ZCCHC24: variants seen among roughly 807,000 people sequenced by gnomAD.
The protein encoded by ZCCHC24 is zinc finger CCHC-type containing 24.
Under a neutral mutation model 26.2 loss-of-function variants are expected in ZCCHC24, and 10 were observed. The ratio of observed to expected loss-of-function variants is 0.38; its 90% CI spans 0.24 to 0.65. The LOEUF (loss-of-function observed/expected upper bound fraction) is 0.65. ZCCHC24 is among the 30% of genes least tolerant of loss of function. The pLI, the probability that ZCCHC24 is intolerant of heterozygous loss-of-function variation, is 0.54. For synonymous variants in ZCCHC24, 144 were observed against 147.1 expected (o/e 0.98, Z 0.15); for missense variants, 243 against 329.1 (o/e 0.74, Z 2.03).
rs1217442915 is a variant in ZCCHC24, at chr10:79,432,582, T to A, written c.423A>T (p.Gly141=). The change falls in exon 2 of 4, where the codon GGA becomes GGT. Residue 141 remains glycine, a synonymous_variant. Coordinates refer to ENST00000372336, the MANE Select transcript of ZCCHC24 (RefSeq NM_153367.4). ...CCTGGGGGCAGTCCTTGATGTAGTG[T>A]CCTTTGTTGAAGCACAGGTGGCACA... ...NYLCHLCFNK[G]HYIKDCPQAR... 4 of 1,603,294 alleles carry A rather than the reference T, an allele frequency of 2.5e-6. No individual in the cohort carries two copies. The South Asian group carries it at 4.5e-5, about 18-fold the overall frequency.
chr10:79,427,916 A>G (rs1857055655), intron 2 of ZCCHC24, among the ~76,000 whole-genome samples: 3 of 152,186 alleles, frequency 2.0e-5, no homozygotes, highest in Non-Finnish European at 4.4e-5. Flanking sequence ...GAAGGAAGGA[A>G]GGAAAAGAAA....
At position 79,384,890 on chromosome 10, in the gene ZCCHC24, G is replaced by C. The variant is rs960023659; in HGVS notation, c.*1455C>G. ...ACCCAGTTCTGACAGCCGGGAGAAAGGAAGGGTCAAGACCATGGAAACGGG... is the reference window on the plus strand; with the variant it reads ...ACCCAGTTCTGACAGCCGGGAGAAACGAAGGGTCAAGACCATGGAAACGGG... On this transcript the variant is annotated 3_prime_UTR_variant, in exon 4 of 4. Transcript: ENST00000372336. 2.0e-5 allele frequency: 3 copies of C among 152,390 alleles called. No individual in the cohort carries two copies. The highest frequency in any genetic ancestry group is 4.4e-5 in the Non-Finnish European group (3 of 68,034). 9.4% of individuals were successfully genotyped at this position (152,390 alleles called of 1,614,324 possible). A position where few individuals can be genotyped will look rare whatever the true frequency, so the allele number is the denominator to read the frequency against.
chr10:79,432,149 ATTC>A (rs1857139064), intron 2 of ZCCHC24, among the ~76,000 whole-genome samples: 1 of 152,146 alleles, frequency 6.6e-6, no homozygotes, highest in African/African-American at 2.4e-5. Context: ...GCACATCTGG[ATTC>A]CTGGCCCAGA....
intron 2 of ZCCHC24, among the ~76,000 whole-genome samples, chr10:79,417,933 T>C (rs1856886973): frequency 6.6e-6 from 1 of 152,112 alleles, no homozygotes; most frequent in Non-Finnish European, 1.5e-5. Context: ...CAGGCTGGGA[T>C]CTGGCCACCT....
intron 2 of ZCCHC24, among the ~76,000 whole-genome samples, chr10:79,406,074 C>T (rs1161952976): frequency 1.3e-5 from 2 of 152,250 alleles, no homozygotes; most frequent in African/African-American, 4.8e-5. Flanking sequence ...GTGGCAACCA[C>T]AGACCGGGGT....
chr10:79,434,142 C>G (rs576402405), intron 1 of ZCCHC24, among the ~76,000 whole-genome samples: 1 of 152,210 alleles, frequency 6.6e-6, no homozygotes, highest in East Asian at 1.9e-4. Context: ...TCGTGTGCAT[C>G]TGGATCAGAG....
intron 1 of ZCCHC24, among the ~76,000 whole-genome samples, chr10:79,433,094 T>C (rs1467462891): frequency 2.0e-5 from 3 of 152,116 alleles, no homozygotes; most frequent in Admixed American, 1.3e-4. Flanking sequence ...ATGATGGCTA[T>C]TATTATTATT....
chr10:79,404,130 G>A (rs1043315694), intron 2 of ZCCHC24, among the ~76,000 whole-genome samples: 4 of 152,102 alleles, frequency 2.6e-5, no homozygotes, highest in African/African-American at 9.7e-5. Context: ...GGGGAACGGG[G>A]CCCACAGAGG....
At chr10:79,394,238 G>A (rs1252537747) in intron 3 of ZCCHC24, 38 bp downstream of exon 3, 3 of 1,598,420 alleles carry the variant, frequency 1.9e-6, no homozygotes, top group Non-Finnish European at 2.6e-6. Context: ...TTGCCCTCCC[G>A]CGGTCCTTCT....
At chr10:79,392,065 G>A (rs571738397) in intron 3 of ZCCHC24, among the ~76,000 whole-genome samples, 15 of 151,862 alleles carry the variant, frequency 9.9e-5, no homozygotes, top group South Asian at 2.1e-4. Flanking sequence ...CACCGGTCCC[G>A]TCTAGCTTCC....
rs573945877 is a variant in ZCCHC24, at chr10:79,399,569, G to T, written c.448-5129C>A. Among the ~76,000 whole-genome samples the T allele has an allele frequency of 1.2e-3, 187 of 152,318 alleles. 1 individual carries two copies. Among genetic ancestry groups the T allele is most frequent in the African/African-American group, 4.3e-3 (180 of 41,570 alleles). On this transcript the variant is annotated intron_variant, in intron 2 of 3. Coordinates refer to ENST00000372336, the MANE Select transcript of ZCCHC24 (RefSeq NM_153367.4). Reference sequence around the variant, plus strand: ...GACAGGCCCTTTGGGGACCAGAGAGGCAAGGGGACTCACTCAAGGACACAC... The same window carrying T: ...GACAGGCCCTTTGGGGACCAGAGAGTCAAGGGGACTCACTCAAGGACACAC...
chr10:79,402,830 C>G (rs1273359696), intron 2 of ZCCHC24, among the ~76,000 whole-genome samples: 1 of 152,184 alleles, frequency 6.6e-6, no homozygotes, highest in Non-Finnish European at 1.5e-5. Flanking sequence ...GCGGCCTCTC[C>G]GTGAGACGGT....
At chr10:79,397,323 C>T (rs547668800) in intron 2 of ZCCHC24, among the ~76,000 whole-genome samples, 63 of 152,326 alleles carry the variant, frequency 4.1e-4, no homozygotes, top group South Asian at 1.0e-3. Flanking sequence ...AAGGGGTCAG[C>T]CACACCCAGG....
At chr10:79,387,679 G>A (rs1437296718) in intron 3 of ZCCHC24, among the ~76,000 whole-genome samples, 5 of 152,210 alleles carry the variant, frequency 3.3e-5, no homozygotes, top group African/African-American at 1.2e-4. Flanking sequence ...ACAGGGGAGG[G>A]CAGCAGAGGG....
At position 79,445,593 on chromosome 10, in the gene ZCCHC24, G is replaced by A. The variant is rs1265938298; in HGVS notation, c.-153C>T. 1 of 524,972 alleles carries A rather than the reference G, an allele frequency of 1.9e-6. No individual in the cohort carries two copies. Among genetic ancestry groups the A allele is most frequent in the Non-Finnish European group, 2.5e-6 (1 of 406,098 alleles). The allele number at this position is 524,972 out of a possible 1,614,324, so 32.5% of individuals were successfully genotyped here. A position where few individuals can be genotyped will look rare whatever the true frequency, so the allele number is the denominator to read the frequency against. On this transcript the variant is annotated 5_prime_UTR_variant, in exon 1 of 4. Coordinates refer to ENST00000372336, the MANE Select transcript of ZCCHC24 (RefSeq NM_153367.4). ...CCCTGCGCCCCGCGCGCTGCCCGCA[G>A]CCGCTGCCGCTGCCGCCGCCTCCCC...
At chr10:79,445,157 C>CGGTGGGGA in intron 1 of ZCCHC24, 38 bp downstream of exon 1, 1 of 669,658 alleles carries the variant, frequency 1.5e-6, no homozygotes, top group South Asian at 4.7e-5. Flanking sequence ...GGCGGTGGGG[C>CGGTGGGGA]GGTGGGGCGG....
At position 79,383,261 on chromosome 10, in the gene ZCCHC24, A is replaced by G. The variant is rs1856346038; in HGVS notation, c.*3084T>C. 6.5e-6 allele frequency: 1 copy of G among 152,788 alleles called. No homozygotes were observed. Among genetic ancestry groups the G allele is most frequent in the Non-Finnish European group, 1.5e-5 (1 of 68,044 alleles). The allele number at this position is 152,788 out of a possible 1,614,324, so 9.5% of individuals were successfully genotyped here. A position where few individuals can be genotyped will look rare whatever the true frequency, so the allele number is the denominator to read the frequency against. On this transcript the variant is annotated 3_prime_UTR_variant, in exon 4 of 4. Coordinates refer to ENST00000372336, the MANE Select transcript of ZCCHC24 (RefSeq NM_153367.4). ...TAATACTGATATTTTCATCCAGGGA[A>G]AACAACACAGAAAAACAACAATATG... is the stretch of plus-strand genomic sequence containing the variant.
chr10:79,416,598 G>A (rs1191746572), intron 2 of ZCCHC24, among the ~76,000 whole-genome samples: 5 of 152,212 alleles, frequency 3.3e-5, no homozygotes, highest in Non-Finnish European at 7.3e-5. Context: ...TCAGTGATGT[G>A]CTGGTACATG....
intron 2 of ZCCHC24, among the ~76,000 whole-genome samples, chr10:79,429,179 A>T (rs998324172): frequency 1.3e-5 from 2 of 152,102 alleles, no homozygotes; most frequent in African/African-American, 4.8e-5. Flanking sequence ...AGCCAGTCAT[A>T]AAAGACCACA....
Sources: allele counts gnomAD v4.1 joint callset (sites outside exome capture counted in the v4.1 genomes callset), GRCh38; gene constraint gnomAD v4.1.1; transcripts MANE v1.5; gene names NCBI Gene and HGNC (gene_info 2026-07-23, HGNC 2026-07-21).